The following PRKN variants were observed in gnomAD, a reference collection of about 807,000 sequenced individuals.
PRKN encodes parkin RBR E3 ubiquitin protein ligase.
A neutral mutation model predicts 59.5 loss-of-function variants in PRKN; 56 were observed. The observed-to-expected ratio is 0.94, with a 90% CI of 0.76 to 1.18. The LOEUF is 1.18. Among genes scored for constraint, PRKN ranks in the 50% most tolerant of loss-of-function variants. The probability of loss-of-function intolerance (pLI) is 0.00; values close to 1 mark genes in which losing one functional copy is unlikely to be tolerated. For synonymous variants in PRKN, 250 were observed against 222.1 expected (o/e 1.13, Z -1.12); for missense variants, 657 against 596.4 (o/e 1.10, Z -1.06).
At chr6:162,579,976 G>C (rs1362282684) in intron 1 of PRKN, among the ~76,000 whole-genome samples, 2 of 152,114 alleles carry the variant, frequency 1.3e-5, no homozygotes, top group Non-Finnish European at 2.9e-5. Context: ...GATTAAACAT[G>C]ACCTATCATG....
chr6:161,656,918 C>T (rs569652072), intron 7 of PRKN, among the ~76,000 whole-genome samples: 6 of 152,268 alleles, frequency 3.9e-5, no homozygotes, highest in South Asian at 2.1e-4. Flanking sequence ...ATAAAACACA[C>T]GAATGTCAAC....
intron 7 of PRKN, among the ~76,000 whole-genome samples, chr6:161,662,839 A>G (rs1784595768): frequency 6.6e-6 from 1 of 152,188 alleles, no homozygotes; most frequent in Admixed American, 6.5e-5. Flanking sequence ...ATCTGTGGTG[A>G]AATACATGAA....
At chr6:162,537,344 A>G (rs1583753363) in intron 1 of PRKN, among the ~76,000 whole-genome samples, 1 of 152,156 alleles carries the variant, frequency 6.6e-6, no homozygotes. Flanking sequence ...AAAGCTTCCA[A>G]CAAGTATCAC....
At chr6:162,068,593 C>T (rs1582984841) in intron 4 of PRKN, among the ~76,000 whole-genome samples, 1 of 152,208 alleles carries the variant, frequency 6.6e-6, no homozygotes, top group East Asian at 1.9e-4. Context: ...TGCCTGTTGG[C>T]TGGAGGCCTC....
At chr6:162,507,628 A>G (rs566112768) in intron 1 of PRKN, among the ~76,000 whole-genome samples, 6 of 152,204 alleles carry the variant, frequency 3.9e-5, no homozygotes, top group Non-Finnish European at 7.3e-5. Context: ...ACTGATAGGA[A>G]CACATTTACA....
intron 6 of PRKN, among the ~76,000 whole-genome samples, chr6:161,954,131 T>A (rs1780085177): frequency 1.3e-5 from 2 of 152,302 alleles, no homozygotes; most frequent in African/African-American, 4.8e-5. Context: ...GGGTAAGGCT[T>A]CCAGCAGATG....
intron 6 of PRKN, among the ~76,000 whole-genome samples, chr6:161,902,564 A>ATTT: frequency 8.9e-6 from 1 of 112,054 alleles, no homozygotes; most frequent in South Asian, 2.9e-4. Flanking sequence ...TTATTTATTT[A>ATTT]TTTTTTTTTT....
At position 161,527,366 on chromosome 6, in the gene PRKN, G is replaced by A. The variant is rs1392262359; in HGVS notation, c.1083+21488C>T. Among the ~76,000 whole-genome samples the A allele has an allele frequency of 6.6e-6, 1 of 152,160 alleles. No homozygotes were observed. Among genetic ancestry groups the A allele is most frequent in the Non-Finnish European group, 1.5e-5 (1 of 68,034 alleles). On this transcript the variant is annotated intron_variant, in intron 9 of 11. Transcript: ENST00000366898. The surrounding 1 kb of genome is among the most constrained non-coding windows in gnomAD (Gnocchi z 4.6). ...GTATGAACTTGGAGCCAGGGCTTTG[G>A]TGTACATTTCTGTAATTTGTGCTTC...
chr6:161,617,942 T>A (rs973929216), intron 7 of PRKN, among the ~76,000 whole-genome samples: 8 of 152,164 alleles, frequency 5.3e-5, no homozygotes, highest in African/African-American at 1.9e-4. Context: ...AAAAAGACTG[T>A]GAGAAAGTAA....
chr6:161,364,473 CAAAAAAAAAAAAAAA>C (rs57773007), intron 10 of PRKN, among the ~76,000 whole-genome samples: 1 of 37,898 alleles, frequency 2.6e-5, no homozygotes, highest in Non-Finnish European at 4.4e-5. Context: ...ACCCGCCCCG[CAAAAAAAAAAAAAAA>C]AAAAAAAAAA....
At chr6:162,158,541 C>T (rs994206367) in intron 4 of PRKN, among the ~76,000 whole-genome samples, 1 of 151,812 alleles carries the variant, frequency 6.6e-6, no homozygotes, top group Non-Finnish European at 1.5e-5. Flanking sequence ...AAGCAATTCT[C>T]CTGCCTCATC....
chr6:161,732,481 T>C (rs542959097), intron 7 of PRKN, among the ~76,000 whole-genome samples: 1 of 130,236 alleles, frequency 7.7e-6, no homozygotes, highest in Non-Finnish European at 1.5e-5. Context: ...GAGGTTTTTT[T>C]TTTTTGTGTG....
In PRKN at chr6:162,569,597, T is replaced by C. The variant is rs1780227555; in HGVS notation, c.8-126124A>G. On this transcript the variant is annotated intron_variant, in intron 1 of 11. Transcript: ENST00000366898. Reference sequence around the variant, plus strand: ...CCCTGGCCTCAGCTATGGCCTGGGCTCCAGCTTTGGCTCTGACATGGGCTC... The same window carrying C: ...CCCTGGCCTCAGCTATGGCCTGGGCCCCAGCTTTGGCTCTGACATGGGCTC... 7.0e-6 allele frequency: 5 copies of C among 715,860 alleles called. No homozygotes were observed. The Admixed American group carries it at 8.8e-5, about 13-fold the overall frequency. 44.3% of individuals were successfully genotyped at this position (715,860 alleles called of 1,614,324 possible).
At chr6:162,194,805 T>C (rs1306615045) in intron 4 of PRKN, among the ~76,000 whole-genome samples, 1 of 152,200 alleles carries the variant, frequency 6.6e-6, no homozygotes, top group East Asian at 1.9e-4. Flanking sequence ...GAAAATATTT[T>C]AACCTTTCTC....
At chr6:162,365,010 T>C (rs1785358186) in intron 2 of PRKN, among the ~76,000 whole-genome samples, 1 of 150,248 alleles carries the variant, frequency 6.7e-6, no homozygotes. Context: ...ATATGTAGTG[T>C]GGGATTTTCT....
intron 6 of PRKN, among the ~76,000 whole-genome samples, chr6:161,853,171 A>G (rs544638413): frequency 1.1e-4 from 16 of 152,214 alleles, no homozygotes; most frequent in Non-Finnish European, 2.4e-4. Context: ...TAATATGGCA[A>G]TATGGAGTGA....
intron 6 of PRKN, among the ~76,000 whole-genome samples, chr6:161,895,379 T>G (rs1161228635): frequency 6.6e-6 from 1 of 152,200 alleles, no homozygotes; most frequent in African/African-American, 2.4e-5. Flanking sequence ...GTGGCTGGAC[T>G]TGCTTGCACC....
At chr6:161,952,720 C>G (rs920905291) in intron 6 of PRKN, among the ~76,000 whole-genome samples, 1 of 152,144 alleles carries the variant, frequency 6.6e-6, no homozygotes, top group African/African-American at 2.4e-5. Context: ...GAGGGGAGAA[C>G]CCAAGAGAGA....
chr6:162,176,943 T>TG (rs1554280695), intron 4 of PRKN, among the ~76,000 whole-genome samples: 3 of 150,766 alleles, frequency 2.0e-5, no homozygotes, highest in Non-Finnish European at 3.0e-5. Flanking sequence ...TTTTTTTTTT[T>TG]GGGAAAAGGA....
Sources: allele counts gnomAD v4.1 joint callset (sites outside exome capture counted in the v4.1 genomes callset), GRCh38; gene constraint gnomAD v4.1.1; non-coding constraint Gnocchi (gnomAD v3.1); transcripts MANE v1.5; gene names NCBI Gene and HGNC (gene_info 2026-07-23, HGNC 2026-07-21).